Variants in ZRANB1 observed in about 807,000 individuals in gnomAD.
ZRANB1 encodes the protein ubiquitin thioesterase ZRANB1.
ZRANB1 carries 16 observed loss-of-function variants against 80.5 expected under a neutral mutation model. The ratio of observed to expected loss-of-function variants is 0.20; its 90% confidence interval spans 0.13 to 0.30. ZRANB1 has a LOEUF of 0.30. ZRANB1 is among the 10% of genes least tolerant of loss of function. ZRANB1 has a pLI of 1.00. For missense variants in ZRANB1, 576 were observed against 862.6 expected (o/e 0.67, Z 4.16); for synonymous variants, 291 against 293.1 (o/e 0.99, Z 0.07).
At position 124,986,287 on chromosome 10, in the gene ZRANB1, G is replaced by GAAA. The variant is rs1952037600; in HGVS notation, c.*1295_*1296insAAA. The GAAA allele has an allele frequency of 1.4e-5, 1 of 73,022 alleles. No homozygotes were observed. The allele number at this position is 73,022 out of a possible 1,614,324, so 4.5% of individuals were successfully genotyped here. A position where few individuals can be genotyped will look rare whatever the true frequency, so the allele number is the denominator to read the frequency against. ...GGAAAGACGACACACGCACGCGCGC[G>GAAA]CGCGCACACACACACACACACACAC... On this transcript the variant is annotated 3_prime_UTR_variant, in exon 9 of 9. Coordinates refer to ENST00000359653, the MANE Select transcript of ZRANB1 (RefSeq NM_017580.3).
At chr10:124,918,338 G>C in the ZRANB1 span, among the ~76,000 whole-genome samples, 15 of 152,118 alleles carry the variant, frequency 9.9e-5, no homozygotes, top group Admixed American at 9.2e-4. Flanking sequence ...CTACAGGCAT[G>C]CGCCACCACG....
At chr10:124,931,864 A>T in the ZRANB1 span, among the ~76,000 whole-genome samples, 1 of 152,190 alleles carries the variant, frequency 6.6e-6, no homozygotes, top group African/African-American at 2.4e-5. Context: ...TTACAGTAGG[A>T]TTCACTCTGT....
At chr10:124,941,832 A>T (rs1047284619), upstream of ZRANB1, among the ~76,000 whole-genome samples, 1 of 152,164 alleles carries the variant, frequency 6.6e-6, no homozygotes, top group East Asian at 1.9e-4. Flanking sequence ...GAGGCTACAG[A>T]TTATCAAGGA....
the ZRANB1 span, among the ~76,000 whole-genome samples, chr10:124,936,576 A>G: frequency 2.5e-3 from 376 of 152,320 alleles, no homozygotes; most frequent in Non-Finnish European, 4.0e-3. Flanking sequence ...GGGTTTTACC[A>G]TATCATCGAT....
the ZRANB1 span, among the ~76,000 whole-genome samples, chr10:124,919,920 C>T: frequency 4.8e-4 from 50 of 104,520 alleles, no homozygotes; most frequent in South Asian, 7.2e-4. Context: ...CCCCCCCCCC[C>T]CTTTTTTTTT....
At chr10:124,929,436 A>G in the ZRANB1 span, among the ~76,000 whole-genome samples, 1 of 151,662 alleles carries the variant, frequency 6.6e-6, no homozygotes, top group Non-Finnish European at 1.5e-5. Context: ...ACAGTATTCA[A>G]GCAATTCTCC....
At chr10:124,925,670 AAG>A in the ZRANB1 span, among the ~76,000 whole-genome samples, 1 of 152,160 alleles carries the variant, frequency 6.6e-6, no homozygotes, top group African/African-American at 2.4e-5. Context: ...GTTTTCTTCT[AAG>A]AGTTTCTTAG....
chr10:124,980,419 TTATTTA>T (rs1371465145), intron 5 of ZRANB1, among the ~76,000 whole-genome samples: 1 of 152,264 alleles, frequency 6.6e-6, no homozygotes, highest in Non-Finnish European at 1.5e-5. Context: ...CTTAGCTGTC[TTATTTA>T]TAAAGTTATT....
intron 2 of ZRANB1, among the ~76,000 whole-genome samples, chr10:124,969,336 G>A (rs544074906): frequency 1.3e-5 from 2 of 152,292 alleles, no homozygotes; most frequent in East Asian, 3.9e-4. Context: ...GAGCAAAATT[G>A]GTCATGGATT....
intron 1 of ZRANB1, among the ~76,000 whole-genome samples, chr10:124,945,003 G>T (rs1255855095): frequency 6.6e-6 from 1 of 152,038 alleles, no homozygotes; most frequent in East Asian, 1.9e-4. Context: ...TCCAAATTGA[G>T]GGGCAACATA....
intron 5 of ZRANB1, among the ~76,000 whole-genome samples, chr10:124,979,032 G>C (rs1045590000): frequency 6.6e-6 from 1 of 151,804 alleles, no homozygotes; most frequent in African/African-American, 2.4e-5. Context: ...GACCCTGTCT[G>C]AAAACAAAGA....
chr10:124,976,851 C>T (rs1187902558), intron 5 of ZRANB1, among the ~76,000 whole-genome samples: 4 of 151,910 alleles, frequency 2.6e-5, no homozygotes, highest in African/African-American at 9.7e-5. Context: ...GGATTACAGG[C>T]GTGAGCCACC....
At chr10:124,945,132 C>G (rs1951569277) in intron 1 of ZRANB1, 1 of 152,206 alleles carries the variant, frequency 6.6e-6, no homozygotes, top group African/African-American at 2.4e-5. Flanking sequence ...GTGAACAACT[C>G]ATTTGGCATT....
chr10:124,927,385 A>C, the ZRANB1 span, among the ~76,000 whole-genome samples: 1 of 152,198 alleles, frequency 6.6e-6, no homozygotes, highest in Admixed American at 6.5e-5. Flanking sequence ...GAAACAATAC[A>C]CTTGTGAGTG....
intron 2 of ZRANB1, 79 bp downstream of exon 2, chr10:124,966,860 G>A (rs1379374036): frequency 1.8e-5 from 24 of 1,329,772 alleles, no homozygotes; most frequent in Non-Finnish European, 1.8e-5. Flanking sequence ...ATTTTATAAT[G>A]TTTCTCTAAG....
At chr10:124,933,382 C>CT in the ZRANB1 span, among the ~76,000 whole-genome samples, 1 of 152,172 alleles carries the variant, frequency 6.6e-6, no homozygotes, top group African/African-American at 2.4e-5. Flanking sequence ...CGTGATCCAC[C>CT]TGCCTCAGCC....
rs753055970 is a variant in ZRANB1, at chr10:124,942,426, A to G, written c.-68A>G. 21 of 1,587,338 alleles carry G rather than the reference A, an allele frequency of 1.3e-5. No homozygotes were observed. Among genetic ancestry groups the G allele is most frequent in the Middle Eastern group, 1.7e-4 (1 of 5,934 alleles). On this transcript the variant is annotated 5_prime_UTR_variant, in exon 1 of 9. Coordinates refer to ENST00000359653, the MANE Select transcript of ZRANB1 (RefSeq NM_017580.3). The stretch of plus-strand genomic sequence containing the variant: ...GTATTTTTGGAGGTGGAATGTAGTT[A>G]TTTTAATAACCATGTCCTAATTATT...
chr10:124,958,936 A>G (rs1951708184), intron 1 of ZRANB1, among the ~76,000 whole-genome samples: 2 of 152,188 alleles, frequency 1.3e-5, no homozygotes, highest in Admixed American at 1.3e-4. Context: ...CGGCCTCCCC[A>G]AATTGCTGGG....
At chr10:124,933,199 C>T in the ZRANB1 span, among the ~76,000 whole-genome samples, 16 of 131,266 alleles carry the variant, frequency 1.2e-4, no homozygotes, top group East Asian at 2.4e-3. Context: ...AGCAATGGCG[C>T]GATCTCGGCT....
Sources: gnomAD v4.1 joint callset for allele counts (sites outside exome capture counted in the v4.1 genomes callset) on GRCh38, gnomAD v4.1.1 for gene constraint, MANE v1.5 for transcripts, NCBI Gene and HGNC (gene_info 2026-07-23, HGNC 2026-07-21) for gene names.